IQSEC1: variants seen among roughly 807,000 people sequenced by gnomAD.
The protein encoded by IQSEC1 is IQ motif and Sec7 domain ArfGEF 1.
In IQSEC1, 31 loss-of-function variants were observed where a neutral mutation model predicts 91.0. That is an observed-to-expected ratio of 0.34 (90% CI 0.26 to 0.46). The LOEUF (loss-of-function observed/expected upper bound fraction) is 0.46, where lower values mean the gene tolerates loss of function less well. Among genes scored for constraint, IQSEC1 ranks in the 20% least tolerant of loss-of-function variants. IQSEC1 has a pLI of 1.00. For missense variants in IQSEC1, 1,388 were observed against 1,575.6 expected, an observed-to-expected ratio of 0.88 and a Z score of 2.02; for synonymous variants, 699 against 662.6, an observed-to-expected ratio of 1.05 and a Z score of -0.84.
chr3:12,963,751 T>TA (rs1700382914), intron 1 of IQSEC1, among the ~76,000 whole-genome samples: 2 of 152,366 alleles, frequency 1.3e-5, no homozygotes, highest in South Asian at 4.1e-4. Flanking sequence ...CATTTCACAC[T>TA]ACTAACCTCA....
At chr3:13,007,978 T>C (rs577755132) in intron 1 of IQSEC1, among the ~76,000 whole-genome samples, 4 of 152,276 alleles carry the variant, frequency 2.6e-5, no homozygotes, top group African/African-American at 7.2e-5. Context: ...TCAAAGTCCT[T>C]GCAGCTCTGA....
chr3:13,112,927 A>T lies in IQSEC1; in HGVS notation c.302+51177T>A, dbSNP rs188497125. Among the ~76,000 whole-genome samples, 3 of 152,368 alleles carry T rather than the reference A, an allele frequency of 2.0e-5. No homozygotes were observed. The East Asian group carries it at 5.8e-4, about 29-fold the overall frequency. ...GACATGAGACAATGCTGTCACATGA[A>T]TCAGTTCTGAATGTGCCAAATTTCA... On this transcript the variant is annotated intron_variant, in intron 2 of 15. Coordinates refer to the IQSEC1 transcript ENST00000648114.
At chr3:12,988,662 C>A (rs1214218145) in intron 1 of IQSEC1, among the ~76,000 whole-genome samples, 4 of 152,124 alleles carry the variant, frequency 2.6e-5, no homozygotes. Flanking sequence ...AGGATGACGA[C>A]AATCTCTGAG....
intron 1 of IQSEC1, among the ~76,000 whole-genome samples, chr3:13,167,193 G>C (rs1693513495): frequency 6.6e-6 from 1 of 152,218 alleles, no homozygotes; most frequent in South Asian, 2.1e-4. Context: ...TGAGATCTAG[G>C]AACAGGATGA....
intron 1 of IQSEC1, among the ~76,000 whole-genome samples, chr3:13,180,577 C>T (rs368278479): frequency 6.6e-6 from 1 of 152,074 alleles, no homozygotes; most frequent in African/African-American, 2.4e-5. Flanking sequence ...CTGGGGTCCC[C>T]TTCCACACTG....
At chr3:13,209,153 T>C (rs1694399640) in intron 1 of IQSEC1, among the ~76,000 whole-genome samples, 2 of 152,168 alleles carry the variant, frequency 1.3e-5, no homozygotes, top group Non-Finnish European at 1.5e-5. Context: ...CAGGGACACA[T>C]GTGGGCAGAC....
chr3:12,983,748 G>C lies in IQSEC1; in HGVS notation c.24-41883C>G, dbSNP rs951631665. 2.6e-5 allele frequency among the ~76,000 whole-genome samples: 4 copies of C among 152,130 alleles called. No homozygotes were observed. In the South Asian group the frequency reaches 6.2e-4, roughly 24 times the overall value. On this transcript the variant is annotated intron_variant, in intron 1 of 13. Transcript: ENST00000613206. The surrounding 1 kb of genome is among the most constrained non-coding windows in gnomAD (Gnocchi z 4.3). ...AATTTCCCTTTCCCTCTCCCCTCTG[G>C]ACAGCTCCGTGAGGATAAGAATAAG...
At chr3:13,165,678 G>A (rs961080675) in intron 1 of IQSEC1, among the ~76,000 whole-genome samples, 2 of 151,692 alleles carry the variant, frequency 1.3e-5, no homozygotes, top group Admixed American at 6.6e-5. Context: ...GGCCCAGGTG[G>A]TGAGGACCTG....
chr3:13,016,799 G>A lies in IQSEC1; in HGVS notation c.23+56193C>T, dbSNP rs188992165. Among the ~76,000 whole-genome samples the A allele has an allele frequency of 2.8e-4, 42 of 152,326 alleles. No homozygotes were observed. In the East Asian group the frequency reaches 7.7e-3, roughly 28 times the overall value. On this transcript the variant is annotated intron_variant, in intron 1 of 13. Transcript: ENST00000613206. The stretch of plus-strand genomic sequence containing the variant: ...ACAACTCACCCATTTAAAATGTATA[G>A]TTCAATGATTTTATTAATAGTATAT...
rs1250959473 is a variant in IQSEC1 at position 12,900,897 on chromosome 3, G to T, written c.*86C>A. ...GAGAGATGGCAACAGAAGTGCCCCG[G>T]GTTTGGTGTGCGGCTGGCGACCCCC... is the stretch of plus-strand genomic sequence containing the variant. On this transcript the variant is annotated 3_prime_UTR_variant, in exon 14 of 14. Transcript: ENST00000613206. The T allele has an allele frequency of 6.5e-7, 1 of 1,535,798 alleles. No individual in the cohort carries two copies. The highest frequency in any genetic ancestry group is 2.0e-5 in the Admixed American group (1 of 50,982).
chr3:13,034,260 C>T (rs892276), intron 1 of IQSEC1, among the ~76,000 whole-genome samples: 51,314 of 151,976 alleles, frequency 0.34, 9,592 homozygotes, highest in East Asian at 0.59. Context: ...CTTCCCCCTC[C>T]GGAAGGAAGG....
intron 1 of IQSEC1, among the ~76,000 whole-genome samples, chr3:13,253,428 A>G (rs968344291): frequency 6.6e-6 from 1 of 152,180 alleles, no homozygotes; most frequent in Non-Finnish European, 1.5e-5. Flanking sequence ...CTTAGCCAAG[A>G]TGGCGGGTAT....
chr3:13,257,082 G>A (rs1205255500), intron 1 of IQSEC1, among the ~76,000 whole-genome samples: 1 of 152,130 alleles, frequency 6.6e-6, no homozygotes, highest in Non-Finnish European at 1.5e-5. Context: ...ATTAAGGGAG[G>A]CAGCGAGTAT....
At chr3:13,004,685 A>G (rs923746139) in intron 1 of IQSEC1, among the ~76,000 whole-genome samples, 2 of 152,188 alleles carry the variant, frequency 1.3e-5, no homozygotes, top group Non-Finnish European at 2.9e-5. Flanking sequence ...TCAGAACGGA[A>G]TCAGCAAGAG....
intron 2 of IQSEC1, among the ~76,000 whole-genome samples, chr3:13,143,678 G>A (rs1477223016): frequency 6.6e-6 from 1 of 152,182 alleles, no homozygotes; most frequent in Non-Finnish European, 1.5e-5. Flanking sequence ...TAGTGGCAGG[G>A]AGAGAAGGTC....
chr3:13,101,330 A>C (rs1706059463), intron 2 of IQSEC1, among the ~76,000 whole-genome samples: 1 of 151,618 alleles, frequency 6.6e-6, no homozygotes, highest in African/African-American at 2.4e-5. Context: ...AAATACAAAA[A>C]ATTAGCCGGG....
At chr3:13,178,899 T>C (rs1382927724) in intron 1 of IQSEC1, among the ~76,000 whole-genome samples, 1 of 152,250 alleles carries the variant, frequency 6.6e-6, no homozygotes, top group Non-Finnish European at 1.5e-5. Flanking sequence ...TTGTTTTATC[T>C]GAATTCCTTC....
rs3773327 is a variant in IQSEC1, at chr3:12,940,665, C to T, written c.318+906G>A. Among the ~76,000 whole-genome samples the T allele has an allele frequency of 1.3e-5, 2 of 152,058 alleles. No homozygotes were observed. The highest frequency in any genetic ancestry group is 2.4e-5 in the African/African-American group (1 of 41,406). ...GACAGCCCTCCCCAGCCTGCCCCTG[C>T]AAGCTTGCAGAACTGCTGCCTGGGA... On this transcript the variant is annotated intron_variant, in intron 2 of 13. Coordinates refer to ENST00000613206, the MANE Select transcript of IQSEC1 (RefSeq NM_001134382.3). The surrounding 1 kb of genome is among the most constrained non-coding windows in gnomAD (Gnocchi z 4.4).
chr3:13,269,826 CCTTCT>C (rs1695563561), intron 1 of IQSEC1, among the ~76,000 whole-genome samples: 1 of 152,240 alleles, frequency 6.6e-6, no homozygotes, highest in Non-Finnish European at 1.5e-5. Flanking sequence ...AATTGTCCCT[CCTTCT>C]CCCAGGGAGG....
Sources: gnomAD v4.1 joint callset for allele counts (sites outside exome capture counted in the v4.1 genomes callset) on GRCh38, gnomAD v4.1.1 for gene constraint, Gnocchi (gnomAD v3.1) non-coding constraint, MANE v1.5 for transcripts, NCBI Gene and HGNC (gene_info 2026-07-23, HGNC 2026-07-21) for gene names.